The following INTS4 variants were observed in gnomAD, a reference collection of about 807,000 sequenced individuals.
INTS4 encodes the protein integrator complex subunit 4.
Under a neutral mutation model 119.5 loss-of-function variants are expected in INTS4, and 70 were observed. The ratio of observed to expected loss-of-function variants is 0.59; its 90% CI spans 0.48 to 0.71. The LOEUF (loss-of-function observed/expected upper bound fraction) is 0.71. Among genes scored for constraint, INTS4 ranks in the 30% least tolerant of loss-of-function variants. The pLI is 0.00. For missense variants in INTS4, 867 were observed against 1,173.2 expected (o/e 0.74, Z 3.81); for synonymous variants, 316 against 419.6 (o/e 0.75, Z 3.02).
At chr11:77,941,499 T>A (rs1321193308) in intron 8 of INTS4, among the ~76,000 whole-genome samples, 1 of 151,392 alleles carries the variant, frequency 6.6e-6, no homozygotes, top group Non-Finnish European at 1.5e-5. Flanking sequence ...GTTTTGCTCT[T>A]GTCACCCAGG....
intron 18 of INTS4, among the ~76,000 whole-genome samples, chr11:77,896,146 G>A (rs1395780939): frequency 6.6e-6 from 1 of 151,966 alleles, no homozygotes; most frequent in Non-Finnish European, 1.5e-5. Context: ...GTTAACAGGG[G>A]ATTTAAAAGG....
intron 8 of INTS4, among the ~76,000 whole-genome samples, chr11:77,946,148 C>T (rs1167207816): frequency 3.9e-5 from 6 of 152,236 alleles, no homozygotes; most frequent in Non-Finnish European, 8.8e-5. Flanking sequence ...CCCTCATCTA[C>T]AGCATTGCCA....
chr11:77,941,015 G>C (rs535309359), intron 9 of INTS4, among the ~76,000 whole-genome samples, 165 bp downstream of exon 9: 2 of 152,276 alleles, frequency 1.3e-5, no homozygotes, highest in South Asian at 4.1e-4. Context: ...ATTTAATGAA[G>C]TCACTTGTTA....
intron 4 of INTS4, among the ~76,000 whole-genome samples, chr11:77,968,482 G>C (rs976393156): frequency 6.6e-6 from 1 of 152,144 alleles, no homozygotes; most frequent in African/African-American, 2.4e-5. Context: ...TGGTTGTTAG[G>C]GACGAGGGGA....
chr11:77,911,021 C>T (rs1953077095), intron 15 of INTS4: 1 of 1,289,112 alleles, frequency 7.8e-7, no homozygotes, highest in Non-Finnish European at 1.0e-6. Context: ...CGGCATAACA[C>T]ATCAGGTTTC....
downstream of INTS4, among the ~76,000 whole-genome samples, chr11:77,877,248 C>A (rs1436475510): frequency 1.6e-5 from 2 of 126,310 alleles, no homozygotes; most frequent in African/African-American, 6.7e-5. Flanking sequence ...ATAACAGTAC[C>A]TAGAGAGTTA....
At chr11:77,940,912 G>A (rs1953915664) in intron 9 of INTS4, among the ~76,000 whole-genome samples, 2 of 151,874 alleles carry the variant, frequency 1.3e-5, no homozygotes, top group African/African-American at 4.8e-5. Context: ...TGGGATTACA[G>A]GTGTGAGCCA....
chr11:77,979,280 G>A (rs1489220319), intron 3 of INTS4, among the ~76,000 whole-genome samples, 178 bp from the exon 4 acceptor site: 2 of 152,064 alleles, frequency 1.3e-5, no homozygotes, highest in African/African-American at 4.8e-5. Flanking sequence ...AGACGAGCCT[G>A]GGCAACATAG....
Position 77,966,834 on chromosome 11 carries a change from T to A in INTS4, c.472-5696A>T, listed in dbSNP as rs571002948. On this transcript the variant is annotated intron_variant, in intron 4 of 22. Transcript: ENST00000534064. ...GTGAAAAATGATATTGGGATTTTGA[T>A]AGGGATTACACTGAATCTGCAGATC... is the stretch of plus-strand genomic sequence containing the variant. 4.6e-5 allele frequency among the ~76,000 whole-genome samples: 7 copies of A among 152,310 alleles called. 1 individual carries two copies. In the South Asian group the frequency reaches 1.5e-3, roughly 32 times the overall value.
At chr11:77,907,946 G>C in intron 15 of INTS4, 136 bp from the exon 16 acceptor site, 1 of 586,858 alleles carries the variant, frequency 1.7e-6, no homozygotes, top group Non-Finnish European at 2.9e-6. Flanking sequence ...CTGAATGCTG[G>C]AGTGGTTATA....
intron 10 of INTS4, among the ~76,000 whole-genome samples, chr11:77,932,531 T>C (rs960282483): frequency 2.4e-4 from 37 of 152,206 alleles, no homozygotes; most frequent in African/African-American, 8.9e-4. Flanking sequence ...AGTTCAGCCA[T>C]TGTGGAAGAC....
chr11:77,974,233 C>CTT (rs1293761648), intron 4 of INTS4, among the ~76,000 whole-genome samples: 1 of 98,276 alleles, frequency 1.0e-5, no homozygotes, highest in African/African-American at 4.1e-5. Flanking sequence ...TATAATTTTT[C>CTT]TTTTCTTTTT....
intron 19 of INTS4, among the ~76,000 whole-genome samples, chr11:77,893,949 T>C (rs1258739871): frequency 1.4e-5 from 2 of 147,710 alleles, no homozygotes; most frequent in Non-Finnish European, 3.0e-5. Context: ...CGAACAGTGT[T>C]GAAAAAAACA....
rs1952216609 is a variant in INTS4, at chr11:77,890,536, T to A, written c.2592+783A>T. Among the ~76,000 whole-genome samples, 3 of 152,064 alleles carry A rather than the reference T, an allele frequency of 2.0e-5. No homozygotes were observed. The South Asian group carries it at 6.2e-4, about 32-fold the overall frequency. On this transcript the variant is annotated intron_variant, in intron 21 of 22. Coordinates refer to ENST00000534064, the MANE Select transcript of INTS4 (RefSeq NM_033547.4). Reference sequence around the variant, plus strand: ...TAGCCCTGCATGTGGTAGAGGTGCTTTGAAAGGGTTTTTTAGGAGACAGTC... The same window carrying A: ...TAGCCCTGCATGTGGTAGAGGTGCTATGAAAGGGTTTTTTAGGAGACAGTC...
intron 10 of INTS4, among the ~76,000 whole-genome samples, chr11:77,938,116 GGATTACAGGTGTGA>G (rs1953845549): frequency 6.6e-6 from 1 of 151,674 alleles, no homozygotes; most frequent in Non-Finnish European, 1.5e-5. Context: ...CAAAGTGCTG[GGATTACAGGTGTGA>G]GCCACCACGC....
chr11:77,965,576 T>C (rs1400965440), intron 4 of INTS4, among the ~76,000 whole-genome samples: 1 of 152,234 alleles, frequency 6.6e-6, no homozygotes, highest in Non-Finnish European at 1.5e-5. Context: ...AATGAGATCA[T>C]GTGGCATGTG....
At chr11:77,950,279 C>T (rs1371086409) in intron 8 of INTS4, among the ~76,000 whole-genome samples, 7 of 151,812 alleles carry the variant, frequency 4.6e-5, no homozygotes, top group East Asian at 3.9e-4. Context: ...GATAGGTTGA[C>T]GGGTGCAGCA....
rs1050284166 is a variant in INTS4, at chr11:77,922,606, T to G, written c.1515-135A>C. ...CATATACTTTTGCTAACTCTATGAC[T>G]TCAGATAAGTCACCCAGTTATTCTG... On this transcript the variant is annotated intron_variant, in intron 12 of 22. Coordinates refer to ENST00000534064, the MANE Select transcript of INTS4 (RefSeq NM_033547.4). 4.9e-6 allele frequency: 4 copies of G among 820,094 alleles called. No homozygotes were observed. The African/African-American group carries it at 7.0e-5, about 14-fold the overall frequency. 50.8% of individuals were successfully genotyped at this position (820,094 alleles called of 1,614,324 possible).
At position 77,927,400 on chromosome 11, in the gene INTS4, G is replaced by A. The variant is rs184729281; in HGVS notation, c.1371+942C>T. On this transcript the variant is annotated intron_variant, in intron 11 of 22. Coordinates refer to ENST00000534064, the MANE Select transcript of INTS4 (RefSeq NM_033547.4). ...CACCAGCTATTCTTTAAAGTACGCA[G>A]TAGAAATCTGTTACAAGTGTTCTAA... Among the ~76,000 whole-genome samples, 633 of 152,286 alleles carry A rather than the reference G, an allele frequency of 4.2e-3. 3 individuals are homozygous for A. Among genetic ancestry groups the A allele is most frequent in the African/African-American group, 0.015 (605 of 41,568 alleles).
Sources: allele counts gnomAD v4.1 joint callset (sites outside exome capture counted in the v4.1 genomes callset), GRCh38; gene constraint gnomAD v4.1.1; transcripts MANE v1.5; gene names NCBI Gene and HGNC (gene_info 2026-07-23, HGNC 2026-07-21).